NDST1: variants seen among roughly 807,000 people sequenced by gnomAD.
The protein encoded by NDST1 is bifunctional heparan sulfate N-deacetylase/N-sulfotransferase 1.
Under a neutral mutation model 92.8 loss-of-function variants are expected in NDST1, and 35 were observed. That is an observed-to-expected ratio of 0.38 (90% CI 0.29 to 0.50). The LOEUF (loss-of-function observed/expected upper bound fraction) is 0.50, where lower values mean the gene tolerates loss of function less well. Among genes scored for constraint, NDST1 ranks in the 20% least tolerant of loss-of-function variants. NDST1 has a pLI of 0.94. For missense variants in NDST1, 822 were observed against 1,182.7 expected, an observed-to-expected ratio of 0.69 and a Z score of 4.47; for synonymous variants, 493 against 500.3, an observed-to-expected ratio of 0.99 and a Z score of 0.19.
chr5:150,517,873 G>A (rs1412078050), intron 1 of NDST1, among the ~76,000 whole-genome samples: 1 of 152,240 alleles, frequency 6.6e-6, no homozygotes, highest in African/African-American at 2.4e-5. Context: ...CATGGGATTG[G>A]GTGGCCAACG....
upstream of NDST1, among the ~76,000 whole-genome samples, chr5:150,506,627 T>C (rs897510557): frequency 1.3e-5 from 2 of 152,180 alleles, no homozygotes; most frequent in Non-Finnish European, 2.9e-5. Flanking sequence ...GCTCCACGTT[T>C]CTGTTCTCTA....
chr5:150,514,848 T>C (rs1003422028), intron 1 of NDST1, among the ~76,000 whole-genome samples: 1 of 152,182 alleles, frequency 6.6e-6, no homozygotes, highest in Non-Finnish European at 1.5e-5. Context: ...ATCCTGAGTA[T>C]TCAATAAGGA....
intron 1 of NDST1, among the ~76,000 whole-genome samples, chr5:150,510,017 T>G (rs1753647308): frequency 1.6e-5 from 2 of 128,732 alleles, no homozygotes; most frequent in Non-Finnish European, 3.2e-5. Flanking sequence ...GGCTTGGGAG[T>G]GGTGTGGAAA....
Position 150,548,403 on chromosome 5 carries a change from T to G in NDST1, c.2316+15T>G, listed in dbSNP as rs766385228. 6.2e-7 allele frequency: 1 copy of G among 1,607,236 alleles called. No individual in the cohort carries two copies. The highest frequency in any genetic ancestry group is 1.7e-5 in the Admixed American group (1 of 60,004). ...ACGCCAACCAGGTAGCTGCTGTCCC[T>G]GACCCTTGTGAGGGCAGTCACAGTA... is the stretch of plus-strand genomic sequence containing the variant. On this transcript the variant is annotated intron_variant, in intron 12 of 14. Transcript: ENST00000261797.
At chr5:150,509,513 G>A (rs183510848) in intron 1 of NDST1, among the ~76,000 whole-genome samples, 1 of 152,098 alleles carries the variant, frequency 6.6e-6, no homozygotes, top group Non-Finnish European at 1.5e-5. Flanking sequence ...GGGGCAGGAG[G>A]TGGCCCCCCT....
chr5:150,542,864 C>T lies in NDST1; in HGVS notation c.1863C>T (p.Tyr621=), dbSNP rs1348285322. The change falls in exon 10 of 15, where the codon TAC becomes TAT. Residue 621 remains tyrosine, a synonymous_variant. Transcript: ENST00000261797. The part of the protein sequence containing the change: ...GPQKTGTTAL[Y]LFLGMHPDLS... ...TCCCCACAGGCACCACTGCCCTCTA[C>T]CTGTTCCTGGGCATGCACCCTGACC... 8 of 1,614,176 alleles carry T rather than the reference C, an allele frequency of 5.0e-6. No individual in the cohort carries two copies. In the East Asian group the frequency reaches 1.3e-4, roughly 27 times the overall value.
At chr5:150,515,782 C>T (rs72805967) in intron 1 of NDST1, among the ~76,000 whole-genome samples, 14,068 of 152,222 alleles carry the variant, frequency 0.092, 882 homozygotes, top group Non-Finnish European at 0.13. Flanking sequence ...TGCAGGGGGA[C>T]TAGAAGCCCC....
chr5:150,521,692 C>A lies in NDST1; in HGVS notation c.438C>A (p.Asn146Lys). The A allele has an allele frequency of 6.2e-7, 1 of 1,614,104 alleles. No homozygotes were observed. Among genetic ancestry groups the A allele is most frequent in the Non-Finnish European group, 8.5e-7 (1 of 1,180,036 alleles). ...IIYENILKYV[N>K]LDAWNRELLD... ...ATGAGAACATCCTCAAGTATGTCAA[C>A]CTGGACGCCTGGAACCGGGAGCTGC... Residue 146 changes from asparagine to lysine, a missense_variant, in exon 2 of 15, where the codon AAC becomes AAA. Asn to Lys is a moderately conservative substitution (Grantham distance 94, BLOSUM62 0). Transcript: ENST00000261797. This position sits in a 1 kb window ranked among gnomAD's most constrained non-coding sequence, Gnocchi z 5.9.
At chr5:150,551,603 C>T (rs1314435191) in intron 13 of NDST1, 150 bp from the exon 14 acceptor site, 3 of 988,662 alleles carry the variant, frequency 3.0e-6, no homozygotes, top group African/African-American at 1.6e-5. Context: ...TTTGATCCCA[C>T]AGATGGCACA....
At chr5:150,519,666 C>A (rs1259033027) in intron 1 of NDST1, among the ~76,000 whole-genome samples, 1 of 151,442 alleles carries the variant, frequency 6.6e-6, no homozygotes, top group Non-Finnish European at 1.5e-5. Flanking sequence ...GCCTGGGCAA[C>A]AAGAGTGAAA....
upstream of NDST1, among the ~76,000 whole-genome samples, chr5:150,505,858 C>A (rs945426730): frequency 6.6e-6 from 1 of 152,144 alleles, no homozygotes; most frequent in Non-Finnish European, 1.5e-5. Context: ...TAGCTCACTG[C>A]GGCCTTGAAT....
intron 13 of NDST1, among the ~76,000 whole-genome samples, chr5:150,550,105 CTT>C (rs11365752): frequency 1.2e-3 from 166 of 138,870 alleles, no homozygotes; most frequent in Middle Eastern, 3.8e-3. Flanking sequence ...TTAGCATTAG[CTT>C]TTTTTTTTTT....
chr5:150,542,627 G>T (rs892118682), intron 9 of NDST1, among the ~76,000 whole-genome samples: 1 of 152,230 alleles, frequency 6.6e-6, no homozygotes. Context: ...AGCGATGTCC[G>T]TAGTAGGTAC....
At chr5:150,515,905 C>T (rs1347051667) in intron 1 of NDST1, among the ~76,000 whole-genome samples, 2 of 152,042 alleles carry the variant, frequency 1.3e-5, no homozygotes, top group East Asian at 3.9e-4. Flanking sequence ...TGCTGGAAGC[C>T]CCCTTTGCCA....
In NDST1 at chr5:150,521,894, G is replaced by A; in HGVS notation, c.513+127G>A. On this transcript the variant is annotated intron_variant, in intron 2 of 14. Coordinates refer to ENST00000261797, the MANE Select transcript of NDST1 (RefSeq NM_001543.5). The surrounding 1 kb of genome is among the most constrained non-coding windows in gnomAD (Gnocchi z 5.9). ...TGGGGTTGTTGGGAGGGTTAAATGA[G>A]TGAGTATATGTAAAGCACTGGGAGC... 6 of 1,231,122 alleles carry A rather than the reference G, an allele frequency of 4.9e-6. No individual in the cohort carries two copies. The highest frequency in any genetic ancestry group is 5.8e-6 in the Non-Finnish European group (5 of 859,682). The allele number at this position is 1,231,122 out of a possible 1,614,324, so 76.3% of individuals were successfully genotyped here.
chr5:150,552,760 C>T (rs1755777828), intron 14 of NDST1: 1 of 232,798 alleles, frequency 4.3e-6, no homozygotes, highest in Non-Finnish European at 8.6e-6. Context: ...ACTGGGAGTT[C>T]ACTATTGGAG....
rs1755307499 is a variant in NDST1, at chr5:150,542,838, C to T, written c.1847-10C>T. On this transcript the variant is annotated splice_polypyrimidine_tract_variant and intron_variant, in intron 9 of 14. Transcript: ENST00000261797. ...GGGCCCTGGGTCTCAGGTGTCTACC[C>T]TCCCCACAGGCACCACTGCCCTCTA... 6.2e-7 allele frequency: 1 copy of T among 1,614,080 alleles called. No individual in the cohort carries two copies. The highest frequency in any genetic ancestry group is 8.5e-7 in the Non-Finnish European group (1 of 1,179,944).
rs1259589895 is a variant in NDST1, at chr5:150,540,088, A to C, written c.1573A>C (p.Ile525Leu). Reference protein sequence around the residue: ...FLTVLLNPISIFMTHLSNYGN... With the variant: ...FLTVLLNPISLFMTHLSNYGN... ...CTCCCCTCCCCTGGAGCAGATCAGC[A>C]TCTTCATGACGCACCTGTCCAACTA... The change falls in exon 8 of 15, where the codon ATC becomes CTC. Residue 525 changes from isoleucine (I) to leucine (L), a missense_variant. Ile to Leu is a conservative substitution (Grantham distance 5). Transcript: ENST00000261797. 1 of 1,614,068 alleles carries C rather than the reference A, an allele frequency of 6.2e-7. No individual in the cohort carries two copies. The highest frequency in any genetic ancestry group is 1.3e-5 in the African/African-American group (1 of 74,914).
At chr5:150,543,312 C>T (rs953424133) in intron 10 of NDST1, among the ~76,000 whole-genome samples, 1 of 152,230 alleles carries the variant, frequency 6.6e-6, no homozygotes, top group Admixed American at 6.5e-5. Flanking sequence ...TGTTCTGGCT[C>T]TCCTCACTGC....
Sources: allele counts gnomAD v4.1 joint callset (sites outside exome capture counted in the v4.1 genomes callset), GRCh38; gene constraint gnomAD v4.1.1; non-coding constraint Gnocchi (gnomAD v3.1); transcripts MANE v1.5; gene names NCBI Gene and HGNC (gene_info 2026-07-23, HGNC 2026-07-21).